CEP128: variants seen among roughly 807,000 people sequenced by gnomAD.
CEP128 encodes the protein centrosomal protein 128kDa.
A neutral mutation model predicts 156.7 loss-of-function variants in CEP128; 132 were observed. That is an observed-to-expected ratio of 0.84 (90% CI 0.73 to 0.97). The LOEUF is 0.97. Among genes scored for constraint, CEP128 ranks in the 50% least tolerant of loss-of-function variants. CEP128 has a pLI of 0.00. For synonymous variants in CEP128, 469 were observed against 448.9 expected, an observed-to-expected ratio of 1.04 and a Z score of -0.57; for missense variants, 1,252 against 1,281.9, an observed-to-expected ratio of 0.98 and a Z score of 0.36.
At chr14:80,762,261 T>C (rs964688793) in intron 16 of CEP128, among the ~76,000 whole-genome samples, 1 of 129,506 alleles carries the variant, frequency 7.7e-6, no homozygotes, top group Non-Finnish European at 1.7e-5. Context: ...AAAATAATTC[T>C]AAATCATTAT....
intron 19 of CEP128, among the ~76,000 whole-genome samples, chr14:80,699,064 T>C (rs1896982433): frequency 6.6e-6 from 1 of 152,190 alleles, no homozygotes; most frequent in African/African-American, 2.4e-5. Flanking sequence ...AGAGCTCTAC[T>C]TGTGAACATA....
intron 19 of CEP128, among the ~76,000 whole-genome samples, chr14:80,631,847 T>C (rs1432755933): frequency 6.6e-6 from 1 of 152,068 alleles, no homozygotes; most frequent in Non-Finnish European, 1.5e-5. Context: ...TTAAGGACAA[T>C]TCTTAAGAAT....
intron 16 of CEP128, among the ~76,000 whole-genome samples, chr14:80,774,300 C>A (rs1051207895): frequency 6.6e-6 from 1 of 152,122 alleles, no homozygotes; most frequent in Non-Finnish European, 1.5e-5. Context: ...AAAAAAAAGG[C>A]TGTGTGTATT....
intron 19 of CEP128, among the ~76,000 whole-genome samples, chr14:80,668,623 C>T (rs1895720509): frequency 6.6e-6 from 1 of 152,074 alleles, no homozygotes; most frequent in South Asian, 2.1e-4. Flanking sequence ...AAAGGAAATG[C>T]TTGACACAAT....
intron 19 of CEP128, among the ~76,000 whole-genome samples, chr14:80,721,825 C>T (rs1373276363): frequency 4.0e-5 from 6 of 151,278 alleles, no homozygotes; most frequent in Admixed American, 2.0e-4. Flanking sequence ...GATTTCAAAA[C>T]GTTGCTTAAT....
chr14:80,934,384 T>G (rs1351063122), intron 2 of CEP128, among the ~76,000 whole-genome samples: 2 of 152,190 alleles, frequency 1.3e-5, no homozygotes, highest in African/African-American at 2.4e-5. Flanking sequence ...ATCGATAAAG[T>G]AGAAACATAC....
At chr14:80,541,233 G>A (rs1479299474) in intron 21 of CEP128, among the ~76,000 whole-genome samples, 1 of 152,068 alleles carries the variant, frequency 6.6e-6, no homozygotes, top group African/African-American at 2.4e-5. Flanking sequence ...GTCCACTGTA[G>A]CATTAAGTTC....
intron 10 of CEP128, among the ~76,000 whole-genome samples, chr14:80,839,582 A>G (rs1042500188): frequency 1.3e-5 from 2 of 152,170 alleles, no homozygotes; most frequent in Admixed American, 6.5e-5. Context: ...AGTAGATTGT[A>G]CCAACACCAA....
chr14:80,551,860 T>C (rs1013078191), intron 21 of CEP128, among the ~76,000 whole-genome samples: 1 of 152,126 alleles, frequency 6.6e-6, no homozygotes, highest in Non-Finnish European at 1.5e-5. Context: ...AACAAAAATA[T>C]ATGTGCAACT....
intron 19 of CEP128, among the ~76,000 whole-genome samples, chr14:80,627,428 A>T (rs547638177): frequency 6.6e-6 from 1 of 152,366 alleles, no homozygotes; most frequent in South Asian, 2.1e-4. Context: ...GTAAGAACGC[A>T]TCACATGAAG....
chr14:80,856,622 G>A (rs188694666), intron 9 of CEP128, among the ~76,000 whole-genome samples: 14 of 151,698 alleles, frequency 9.2e-5, no homozygotes, highest in Admixed American at 7.9e-4. Flanking sequence ...CAGCGTGGGT[G>A]AGTGTGACCC....
chr14:80,930,692 C>A (rs753622123), intron 2 of CEP128, among the ~76,000 whole-genome samples: 2 of 152,228 alleles, frequency 1.3e-5, no homozygotes, highest in Non-Finnish European at 2.9e-5. Context: ...GGAGACCATG[C>A]ACACTGCATT....
chr14:80,533,297 CCAAT>C (rs1365412723), intron 21 of CEP128, among the ~76,000 whole-genome samples: 1 of 151,992 alleles, frequency 6.6e-6, no homozygotes, highest in Non-Finnish European at 1.5e-5. Flanking sequence ...TAAACACACT[CCAAT>C]AATATCTGTA....
intron 24 of CEP128, among the ~76,000 whole-genome samples, chr14:80,500,424 T>C (rs969916876): frequency 1.3e-5 from 2 of 152,144 alleles, no homozygotes; most frequent in Non-Finnish European, 2.9e-5. Flanking sequence ...TCTATACAGA[T>C]CTAAACTGCT....
intron 19 of CEP128, among the ~76,000 whole-genome samples, chr14:80,739,813 T>C (rs573111050): frequency 1.3e-5 from 2 of 152,160 alleles, no homozygotes; most frequent in African/African-American, 2.4e-5. Context: ...TATTTAAATA[T>C]TGCTACCATA....
chr14:80,868,864 A>G (rs1019927524), intron 8 of CEP128, among the ~76,000 whole-genome samples: 4 of 152,118 alleles, frequency 2.6e-5, no homozygotes, highest in African/African-American at 9.6e-5. Flanking sequence ...CTTACATCAG[A>G]GAAAATACAC....
chr14:80,616,526 G>A (rs79842764), intron 19 of CEP128, among the ~76,000 whole-genome samples: 11,779 of 101,752 alleles, frequency 0.12, 543 homozygotes, highest in African/African-American at 0.17. Flanking sequence ...AAATTCAACT[G>A]TTTTTTTTGA....
downstream of CEP128, among the ~76,000 whole-genome samples, chr14:80,492,278 A>T (rs1744383489): frequency 6.6e-6 from 1 of 152,230 alleles, no homozygotes; most frequent in African/African-American, 2.4e-5. Context: ...ATTATCACAC[A>T]AGGATGAAGA....
intron 19 of CEP128, among the ~76,000 whole-genome samples, chr14:80,625,232 C>T (rs937335596): frequency 6.6e-5 from 10 of 152,270 alleles, no homozygotes; most frequent in African/African-American, 2.4e-4. Flanking sequence ...ATGTTCTTGG[C>T]AACTTTGTTC....
Sources: gnomAD v4.1 joint callset for allele counts (sites outside exome capture counted in the v4.1 genomes callset) on GRCh38, gnomAD v4.1.1 for gene constraint, MANE v1.5 for transcripts, NCBI Gene and HGNC (gene_info 2026-07-23, HGNC 2026-07-21) for gene names.